POF1B: variants seen among roughly 807,000 people sequenced by gnomAD.
POF1B encodes the protein POF1B actin binding protein.
A neutral mutation model predicts 55.3 loss-of-function variants in POF1B; 53 were observed. The observed-to-expected ratio is 0.96, with a 90% CI of 0.77 to 1.20. The LOEUF is 1.20. Among genes scored for constraint, POF1B ranks in the 50% most tolerant of loss-of-function variants. POF1B has a pLI of 0.00. For missense variants in POF1B, 478 were observed against 420.5 expected, an observed-to-expected ratio of 1.14 and a Z score of -1.20; for synonymous variants, 188 against 148.3, an observed-to-expected ratio of 1.27 and a Z score of -1.95.
chrX:85,321,032 A>G (rs775373486), intron 7 of POF1B, among the ~76,000 whole-genome samples: 174 of 111,612 alleles, frequency 1.6e-3, no homozygotes, highest in African/African-American at 5.6e-3. Flanking sequence ...AGCTGGTACC[A>G]TTCCTTCTGA....
At chrX:85,372,773 C>CTATATATATATATATATATA (rs200507402) in intron 2 of POF1B, among the ~76,000 whole-genome samples, 24 of 96,747 alleles carry the variant, frequency 2.5e-4, no homozygotes, top group African/African-American at 9.1e-4. Context: ...ATTATATATA[C>CTATATATATATATATATATA]TATATATATA....
chrX:85,312,508 G>A (rs1307172442), intron 9 of POF1B, among the ~76,000 whole-genome samples: 1 of 110,953 alleles, frequency 9.0e-6, no homozygotes, highest in Non-Finnish European at 1.9e-5. Context: ...TATTTCTGAG[G>A]CCTCTGTTCT....
intron 5 of POF1B, among the ~76,000 whole-genome samples, chrX:85,348,269 A>G (rs1457702068): frequency 1.8e-5 from 2 of 111,016 alleles, no homozygotes; most frequent in South Asian, 3.7e-4. Context: ...CTAAAGCAAA[A>G]TGTTCATATA....
chrX:85,322,942 A>G (rs1027524797), intron 7 of POF1B, among the ~76,000 whole-genome samples: 1 of 109,901 alleles, frequency 9.1e-6, no homozygotes, highest in Non-Finnish European at 1.9e-5. Context: ...AAGTCAGGAA[A>G]CAACAGGTGC....
chrX:85,375,442 T>G (rs1256166710), intron 2 of POF1B, among the ~76,000 whole-genome samples: 1 of 111,509 alleles, frequency 9.0e-6, no homozygotes, highest in Non-Finnish European at 1.9e-5. Flanking sequence ...CAGACCTCCG[T>G]TAAACAAGAT....
chrX:85,282,846 C>T (rs1931936902), intron 15 of POF1B, among the ~76,000 whole-genome samples: 1 of 110,545 alleles, frequency 9.0e-6, no homozygotes, highest in Admixed American at 9.7e-5. Flanking sequence ...GATCAGTGTG[C>T]CTGTATGTGA....
At chrX:85,295,671 T>C (rs1932293708) in intron 15 of POF1B, among the ~76,000 whole-genome samples, 1 of 111,962 alleles carries the variant, frequency 8.9e-6, no homozygotes, top group Non-Finnish European at 1.9e-5. Context: ...GAATATGTTC[T>C]GTGTGCAGTG....
chrX:85,325,225 G>C (rs1391081841), intron 7 of POF1B, among the ~76,000 whole-genome samples: 5 of 111,272 alleles, frequency 4.5e-5, no homozygotes. Context: ...TTGAATATTG[G>C]CCTCTCTAGT....
intron 9 of POF1B, 112 bp from the exon 10 acceptor site, chrX:85,308,328 A>C: frequency 5.0e-6 from 2 of 402,083 alleles, no homozygotes; most frequent in Non-Finnish European, 8.4e-6. Context: ...TTACTTTGAT[A>C]TGGCAAATTA....
intron 7 of POF1B, among the ~76,000 whole-genome samples, chrX:85,323,602 A>G (rs1013195553): frequency 5.7e-5 from 6 of 105,877 alleles, no homozygotes; most frequent in African/African-American, 2.0e-4. Flanking sequence ...TAATAATAAT[A>G]AAATAAAAAA....
At chrX:85,336,061 T>C (rs1469535046) in intron 6 of POF1B, among the ~76,000 whole-genome samples, 1 of 110,725 alleles carries the variant, frequency 9.0e-6, no homozygotes, top group African/African-American at 3.3e-5. Flanking sequence ...CCATGAGTTC[T>C]AATGTTTTGT....
intron 6 of POF1B, among the ~76,000 whole-genome samples, chrX:85,340,806 G>T (rs1195161749): frequency 9.0e-6 from 1 of 110,605 alleles, no homozygotes; most frequent in Non-Finnish European, 1.9e-5. Flanking sequence ...AGAGTAGAAA[G>T]CTGATAAGGG....
chrX:85,319,831 A>T (rs771220701), intron 7 of POF1B, among the ~76,000 whole-genome samples: 3 of 110,734 alleles, frequency 2.7e-5, no homozygotes, highest in Non-Finnish European at 5.7e-5. Flanking sequence ...CTTAAGTTTT[A>T]TTTTTTGTTG....
At chrX:85,338,186 T>C (rs898766463) in intron 6 of POF1B, among the ~76,000 whole-genome samples, 3 of 111,516 alleles carry the variant, frequency 2.7e-5, no homozygotes, top group African/African-American at 9.8e-5. Context: ...CATCAACTCA[T>C]CTTGTTCATC....
intron 4 of POF1B, among the ~76,000 whole-genome samples, chrX:85,357,530 T>A (rs933130907): frequency 1.8e-5 from 2 of 111,200 alleles, no homozygotes; most frequent in South Asian, 7.5e-4. Flanking sequence ...CCAAAACTGC[T>A]CTATCAATGT....
chrX:85,372,026 G>A (rs1343754031), intron 2 of POF1B, among the ~76,000 whole-genome samples: 1 of 110,771 alleles, frequency 9.0e-6, no homozygotes, highest in Admixed American at 9.6e-5. Context: ...ATACTTTATT[G>A]GCAACTTTAA....
intron 6 of POF1B, among the ~76,000 whole-genome samples, chrX:85,339,189 T>C (rs1256258791): frequency 1.8e-5 from 2 of 110,877 alleles, no homozygotes; most frequent in African/African-American, 6.6e-5. Context: ...CTTACATGGA[T>C]GGCAGCAGGC....
chrX:85,309,207 A>C (rs927972240), intron 9 of POF1B, among the ~76,000 whole-genome samples: 4 of 109,969 alleles, frequency 3.6e-5, no homozygotes, highest in Non-Finnish European at 7.6e-5. Flanking sequence ...ATTTACATAG[A>C]GTGTACACCA....
At position 85,361,232 on chromosome X, in the gene POF1B, A is replaced by G. The variant is rs193180937; in HGVS notation, c.358-1602T>C. Reference sequence around the variant, plus strand: ...CGTGCAGAAGCTCTTTAGTTAAGTTAGATTTTATTTGTCAATTTTGCTTTT... The same window carrying G: ...CGTGCAGAAGCTCTTTAGTTAAGTTGGATTTTATTTGTCAATTTTGCTTTT... On this transcript the variant is annotated intron_variant, in intron 3 of 16. Coordinates refer to ENST00000262753, the MANE Select transcript of POF1B (RefSeq NM_024921.4). 3.8e-3 allele frequency among the ~76,000 whole-genome samples: 427 copies of G among 111,797 alleles called. 2 individuals carry two copies. The highest frequency in any genetic ancestry group is 0.013 in the African/African-American group (406 of 30,843).
Sources: gnomAD v4.1 joint callset for allele counts (sites outside exome capture counted in the v4.1 genomes callset) on GRCh38, gnomAD v4.1.1 for gene constraint, MANE v1.5 for transcripts, NCBI Gene and HGNC (gene_info 2026-07-23, HGNC 2026-07-21) for gene names.